Variants in ULK4 observed in about 807,000 individuals in gnomAD.
ULK4 encodes the protein unc-51 like kinase 4, also known as inactive serine/threonine-protein kinase ULK4.
Under a neutral mutation model 160.6 loss-of-function variants are expected in ULK4, and 133 were observed. The ratio of observed to expected loss-of-function variants is 0.83; its 90% CI spans 0.72 to 0.96. The LOEUF (loss-of-function observed/expected upper bound fraction) is 0.96, where lower values mean the gene tolerates loss of function less well. Among genes scored for constraint, ULK4 ranks in the 40% least tolerant of loss-of-function variants. The pLI is 0.00. For missense variants in ULK4, 1,580 were observed against 1,499.5 expected (o/e 1.05, Z -0.89); for synonymous variants, 534 against 539.8 (o/e 0.99, Z 0.15).
intron 27 of ULK4, among the ~76,000 whole-genome samples, chr3:41,688,700 C>T (rs1575571811): frequency 6.6e-6 from 1 of 152,272 alleles, no homozygotes; most frequent in East Asian, 1.9e-4. Context: ...GCCCTGTGTG[C>T]TATTAAGCAA....
At chr3:41,834,413 G>A (rs978559861) in intron 18 of ULK4, among the ~76,000 whole-genome samples, 4 of 151,914 alleles carry the variant, frequency 2.6e-5, no homozygotes, top group Admixed American at 1.3e-4. Flanking sequence ...ACTCAAAATC[G>A]TAACGATATT....
intron 15 of ULK4, among the ~76,000 whole-genome samples, chr3:41,895,783 A>AG (rs1698131288): frequency 6.6e-6 from 1 of 152,196 alleles, no homozygotes; most frequent in Non-Finnish European, 1.5e-5. Flanking sequence ...CTACCACTTT[A>AG]TATTCGCTAA....
intron 2 of ULK4, among the ~76,000 whole-genome samples, chr3:41,953,133 C>G (rs899131137): frequency 4.0e-5 from 6 of 151,770 alleles, no homozygotes; most frequent in African/African-American, 1.5e-4. Context: ...GATAGCTGCA[C>G]AGCAATATGA....
At chr3:41,856,592 T>C (rs1340237972) in intron 17 of ULK4, among the ~76,000 whole-genome samples, 50 of 67,810 alleles carry the variant, frequency 7.4e-4, no homozygotes, top group African/African-American at 3.7e-3. Flanking sequence ...TATATACACA[T>C]ATATATATAT....
At chr3:41,928,536 C>CAAAAA (rs35116501) in intron 5 of ULK4, among the ~76,000 whole-genome samples, 5 of 141,334 alleles carry the variant, frequency 3.5e-5, no homozygotes, top group Admixed American at 7.1e-5. Flanking sequence ...AAAAACCCTT[C>CAAAAA]AAAAAAAAAA....
chr3:41,371,016 AC>A (rs2081354948), intron 35 of ULK4, among the ~76,000 whole-genome samples: 1 of 152,150 alleles, frequency 6.6e-6, no homozygotes, highest in South Asian at 2.1e-4. Flanking sequence ...CACAGTGTAA[AC>A]AAAGCTGCCT....
intron 32 of ULK4, among the ~76,000 whole-genome samples, chr3:41,549,749 A>C (rs2086995495): frequency 6.6e-6 from 1 of 152,046 alleles, no homozygotes; most frequent in South Asian, 2.1e-4. Flanking sequence ...TTATAGTCAA[A>C]CCGTCAAAAG....
At chr3:41,927,260 G>A (rs953271243) in intron 5 of ULK4, among the ~76,000 whole-genome samples, 8 of 152,222 alleles carry the variant, frequency 5.3e-5, no homozygotes, top group South Asian at 2.1e-4. Context: ...CTTCATAAGC[G>A]AAGGAGAAAT....
rs1158544222 is a variant in ULK4, at chr3:41,721,365, T to A, written c.2322-3504A>T. Among the ~76,000 whole-genome samples the A allele has an allele frequency of 1.6e-3, 133 of 81,946 alleles. 1 individual carries two copies. The highest frequency in any genetic ancestry group is 6.9e-3 in the East Asian group (25 of 3,646). The allele number at this position is 81,946 out of a possible 152,430, so 53.8% of individuals were successfully genotyped here. A position where few individuals can be genotyped will look rare whatever the true frequency, so the allele number is the denominator to read the frequency against. On this transcript the variant is annotated intron_variant, in intron 22 of 36. Transcript: ENST00000301831. Reference sequence around the variant, plus strand: ...ATATATATATATATATATATATATTTTTTTTTTTTTTTTTTTGAAACGGAA... The same window carrying A: ...ATATATATATATATATATATATATTATTTTTTTTTTTTTTTTGAAACGGAA...
At chr3:41,770,176 G>C (rs2039305346) in intron 21 of ULK4, among the ~76,000 whole-genome samples, 1 of 152,146 alleles carries the variant, frequency 6.6e-6, no homozygotes, top group Non-Finnish European at 1.5e-5. Context: ...TTAAATGCTT[G>C]ATTAAAAAGT....
chr3:41,430,914 G>A (rs935710703), intron 34 of ULK4, among the ~76,000 whole-genome samples: 9 of 151,848 alleles, frequency 5.9e-5, no homozygotes, highest in African/African-American at 2.2e-4. Context: ...TGGGGGTGGG[G>A]GTGGCAAAAA....
intron 20 of ULK4, among the ~76,000 whole-genome samples, chr3:41,792,228 A>G (rs2040171517): frequency 1.3e-5 from 2 of 152,204 alleles, no homozygotes; most frequent in Non-Finnish European, 2.9e-5. Flanking sequence ...GTAACAACAG[A>G]AAAATGAATT....
At chr3:41,323,251 C>T (rs1217305974) in intron 35 of ULK4, among the ~76,000 whole-genome samples, 1 of 151,932 alleles carries the variant, frequency 6.6e-6, no homozygotes, top group Non-Finnish European at 1.5e-5. Flanking sequence ...TTTTAAACTC[C>T]TTCCATGTTG....
At chr3:41,704,848 G>C (rs1005117105) in intron 27 of ULK4, among the ~76,000 whole-genome samples, 1 of 152,072 alleles carries the variant, frequency 6.6e-6, no homozygotes, top group Non-Finnish European at 1.5e-5. Context: ...TGTGGACCAG[G>C]AAGGAAAGAG....
chr3:41,918,659 T>C (rs1243526006), intron 6 of ULK4, 119 bp from the exon 7 acceptor site: 6 of 507,960 alleles, frequency 1.2e-5, no homozygotes, highest in Non-Finnish European at 1.9e-5. Context: ...TGGAGTGCAG[T>C]GGCGCAATCT....
At chr3:41,842,139 CAAAAAAA>C (rs60925540) in intron 17 of ULK4, among the ~76,000 whole-genome samples, 1 of 68,782 alleles carries the variant, frequency 1.5e-5, no homozygotes, top group African/African-American at 4.8e-5. Context: ...TCAATAAATA[CAAAAAAA>C]AAAAAAAGAA....
intron 35 of ULK4, among the ~76,000 whole-genome samples, chr3:41,255,129 T>TACACACAC (rs369404667): frequency 0.12 from 17,844 of 144,130 alleles, 2,007 homozygotes; most frequent in African/African-American, 0.31. Context: ...AAATTATGGC[T>TACACACAC]ACACACACAC....
At chr3:41,610,422 G>A (rs1336938356) in intron 31 of ULK4, among the ~76,000 whole-genome samples, 1 of 152,074 alleles carries the variant, frequency 6.6e-6, no homozygotes, top group African/African-American at 2.4e-5. Flanking sequence ...CTTAAAATAA[G>A]GAACTTCTCT....
At chr3:41,749,371 T>C (rs2038536964) in intron 22 of ULK4, among the ~76,000 whole-genome samples, 1 of 152,058 alleles carries the variant, frequency 6.6e-6, no homozygotes, top group Non-Finnish European at 1.5e-5. Context: ...TAATCCCAGC[T>C]ACTCAGGAGG....
Sources: allele counts gnomAD v4.1 joint callset (sites outside exome capture counted in the v4.1 genomes callset), GRCh38; gene constraint gnomAD v4.1.1; transcripts MANE v1.5; gene names NCBI Gene and HGNC (gene_info 2026-07-23, HGNC 2026-07-21).